TUSC3: variants seen among roughly 807,000 people sequenced by gnomAD.
TUSC3 encodes the protein tumor suppressor candidate 3.
Under a neutral mutation model 44.8 loss-of-function variants are expected in TUSC3, and 45 were observed. The observed-to-expected ratio is 1.00, with a 90% CI of 0.79 to 1.29. The LOEUF (loss-of-function observed/expected upper bound fraction) is 1.29, where lower values mean the gene tolerates loss of function less well. TUSC3 is among the 50% of genes most tolerant of loss of function. TUSC3 has a pLI of 0.00. For synonymous variants in TUSC3, 212 were observed against 152.9 expected (o/e 1.39, Z -2.85); for missense variants, 519 against 437.9 (o/e 1.19, Z -1.65).
intron 2 of TUSC3, among the ~76,000 whole-genome samples, chr8:15,633,784 T>C (rs1001049100): frequency 2.0e-5 from 3 of 152,176 alleles, no homozygotes; most frequent in Non-Finnish European, 2.9e-5. Flanking sequence ...GCCCTACTCA[T>C]ACCTTGATTT....
At position 15,540,278 on chromosome 8, in the gene TUSC3, G is replaced by A. The variant is rs976029632; in HGVS notation, c.-153G>A. 3 of 1,109,282 alleles carry A rather than the reference G, an allele frequency of 2.7e-6. No homozygotes were observed. The highest frequency in any genetic ancestry group is 3.6e-6 in the Non-Finnish European group (3 of 842,348). 68.7% of individuals were successfully genotyped at this position (1,109,282 alleles called of 1,614,324 possible). Reference sequence around the variant, plus strand: ...ATGCTCTGTCAGTCTCCTCCTCTGCGTCCTCGGCCGCGGCCCGGGTCCCTC... The same window carrying A: ...ATGCTCTGTCAGTCTCCTCCTCTGCATCCTCGGCCGCGGCCCGGGTCCCTC... On this transcript the variant is annotated 5_prime_UTR_variant, in exon 1 of 11. Transcript: ENST00000503731.
the TUSC3 span, among the ~76,000 whole-genome samples, chr8:15,841,167 T>TTATA: frequency 1.3e-5 from 2 of 149,902 alleles, no homozygotes; most frequent in Non-Finnish European, 3.0e-5. Context: ...GCTATATGTT[T>TTATA]TATATATATA....
chr8:15,450,327 G>T (rs868727532), intron 1 of TUSC3, among the ~76,000 whole-genome samples: 1 of 151,916 alleles, frequency 6.6e-6, no homozygotes, highest in Non-Finnish European at 1.5e-5. Flanking sequence ...TACATATTTG[G>T]TGCAAACATT....
intron 1 of TUSC3, among the ~76,000 whole-genome samples, chr8:15,453,737 G>T (rs1495082): frequency 6.6e-6 from 1 of 152,028 alleles, no homozygotes; most frequent in African/African-American, 2.4e-5. Context: ...CAGTGGGCAG[G>T]TAGTCAGACA....
intron 6 of TUSC3, among the ~76,000 whole-genome samples, chr8:15,681,300 C>A (rs1184431433): frequency 2.0e-5 from 3 of 151,308 alleles, no homozygotes; most frequent in Non-Finnish European, 2.9e-5. Context: ...TACATCTGGT[C>A]CAGGGCTTTT....
At chr8:15,513,021 T>G (rs1043445913) in intron 2 of TUSC3, among the ~76,000 whole-genome samples, 3 of 148,220 alleles carry the variant, frequency 2.0e-5, no homozygotes, top group African/African-American at 7.5e-5. Flanking sequence ...CCAGATTGCA[T>G]GCTGCACGTT....
intron 7 of TUSC3, 62 bp from the exon 8 acceptor site, chr8:15,743,476 C>G: frequency 1.3e-6 from 2 of 1,550,554 alleles, no homozygotes; most frequent in Non-Finnish European, 8.9e-7. Flanking sequence ...GTGTTCAGAG[C>G]CAGAAAAATT....
At chr8:15,623,916 C>G (rs750706555) in intron 2 of TUSC3, among the ~76,000 whole-genome samples, 11 of 152,126 alleles carry the variant, frequency 7.2e-5, no homozygotes, top group Non-Finnish European at 1.3e-4. Context: ...AGCTCTATTA[C>G]TGCAGGGACA....
chr8:15,444,161 T>C (rs1005135087), intron 1 of TUSC3, among the ~76,000 whole-genome samples: 10 of 152,318 alleles, frequency 6.6e-5, no homozygotes, highest in African/African-American at 2.4e-4. Flanking sequence ...AAACATAAAG[T>C]ACTCCAGCTG....
intron 9 of TUSC3, among the ~76,000 whole-genome samples, chr8:15,749,552 C>A (rs1043294564): frequency 3.3e-5 from 5 of 151,948 alleles, no homozygotes; most frequent in Middle Eastern, 3.4e-3. Context: ...TTTTCTGACA[C>A]CCTGCCTGCA....
intron 2 of TUSC3, among the ~76,000 whole-genome samples, chr8:15,528,843 G>C (rs1032575292): frequency 3.9e-5 from 6 of 152,074 alleles, no homozygotes; most frequent in African/African-American, 1.4e-4. Flanking sequence ...GTGAGTCTAG[G>C]AAAACTCTGA....
At position 15,516,629 on chromosome 8, in the gene TUSC3, A is replaced by C. The variant is rs1175630842; in HGVS notation, n.189+33146A>C. The stretch of plus-strand genomic sequence containing the variant: ...TGCTTGTTTTGCCATTCTTTACTTG[A>C]AGTGTTCTCTCTCACATTCACACTA... On this transcript the variant is annotated intron_variant and non_coding_transcript_variant, in intron 2 of 5. Transcript: ENST00000503191. Among the ~76,000 whole-genome samples the C allele has an allele frequency of 2.0e-5, 3 of 152,294 alleles. No individual in the cohort carries two copies. In the East Asian group the frequency reaches 5.8e-4, roughly 29 times the overall value.
the TUSC3 span, among the ~76,000 whole-genome samples, chr8:15,829,187 C>T: frequency 1.8e-3 from 274 of 152,182 alleles, no homozygotes; most frequent in African/African-American, 6.3e-3. Flanking sequence ...ACCAGTTCCC[C>T]ATTAAATTAC....
intron 1 of TUSC3, among the ~76,000 whole-genome samples, chr8:15,454,393 T>G (rs1245550689): frequency 6.6e-6 from 1 of 152,164 alleles, no homozygotes; most frequent in African/African-American, 2.4e-5. Flanking sequence ...GCTGCAGAAG[T>G]GTATAAATTT....
chr8:15,517,557 GC>G (rs1801236083), intron 2 of TUSC3, among the ~76,000 whole-genome samples: 6 of 59,172 alleles, frequency 1.0e-4, no homozygotes, highest in Non-Finnish European at 1.4e-4. Flanking sequence ...AAAAAAAAAA[GC>G]CCACAACATT....
chr8:15,753,957 G>C (rs559666932), intron 9 of TUSC3, among the ~76,000 whole-genome samples: 6 of 152,056 alleles, frequency 3.9e-5, no homozygotes, highest in Non-Finnish European at 8.8e-5. Flanking sequence ...TAGTTGAAAG[G>C]TGAGATACTG....
chr8:15,658,100 A>G (rs939196907), intron 3 of TUSC3, among the ~76,000 whole-genome samples: 1 of 152,170 alleles, frequency 6.6e-6, no homozygotes, highest in African/African-American at 2.4e-5. Context: ...TAGATTTTCA[A>G]CATGAGTTTT....
At chr8:15,568,256 C>G (rs890217883) in intron 1 of TUSC3, among the ~76,000 whole-genome samples, 1 of 152,166 alleles carries the variant, frequency 6.6e-6, no homozygotes, top group Admixed American at 6.5e-5. Flanking sequence ...AAGAGGCATT[C>G]ATTTATTCCA....
intron 2 of TUSC3, among the ~76,000 whole-genome samples, chr8:15,519,050 T>G (rs1801258928): frequency 6.6e-6 from 1 of 152,184 alleles, no homozygotes; most frequent in African/African-American, 2.4e-5. Flanking sequence ...ACAACAGTGT[T>G]GTGTGGTCCT....
Sources: allele counts gnomAD v4.1 joint callset (sites outside exome capture counted in the v4.1 genomes callset), GRCh38; gene constraint gnomAD v4.1.1; transcripts MANE v1.5; gene names NCBI Gene and HGNC (gene_info 2026-07-23, HGNC 2026-07-21).